Variants in ABHD2 observed in about 807,000 individuals in gnomAD.
The protein encoded by ABHD2 is abhydrolase domain containing 2, acylglycerol lipase, also known as monoacylglycerol lipase ABHD2.
In ABHD2, 20 loss-of-function variants were observed where a neutral mutation model predicts 48.1. That is an observed-to-expected ratio of 0.42 (90% CI 0.29 to 0.60). The LOEUF (loss-of-function observed/expected upper bound fraction) is 0.60, where lower values mean the gene tolerates loss of function less well. ABHD2 is among the 20% of genes least tolerant of loss of function. The pLI, the probability that ABHD2 is intolerant of heterozygous loss-of-function variation, is 0.24. For missense variants in ABHD2, 405 were observed against 550.9 expected (o/e 0.74, Z 2.65); for synonymous variants, 209 against 214.2 (o/e 0.98, Z 0.21).
rs370247405 is a variant in ABHD2, at chr15:89,175,797, C to A, written c.539-15C>A. 1 of 1,613,776 alleles carries A rather than the reference C, an allele frequency of 6.2e-7. No homozygotes were observed. Among genetic ancestry groups the A allele is most frequent in the Non-Finnish European group, 8.5e-7 (1 of 1,179,900 alleles). On this transcript the variant is annotated splice_polypyrimidine_tract_variant and intron_variant, in intron 5 of 10. Coordinates refer to ENST00000352732, the MANE Select transcript of ABHD2 (RefSeq NM_152924.5). This position sits in a 1 kb window ranked among gnomAD's most constrained non-coding sequence, Gnocchi z 5.7. Reference sequence around the variant, plus strand: ...CACCTGAAATGATTGAGCAATCTCACCCTTTTGCCCACAGGCTGCACGTGG... The same window carrying A: ...CACCTGAAATGATTGAGCAATCTCAACCTTTTGCCCACAGGCTGCACGTGG...
In ABHD2 at chr15:89,184,452, GA is replaced by G. The variant is rs1287796063; in HGVS notation, c.723-969del. ...GGGTGGAGTCAGGCCTGGAGATTTT[GA>G]AACGTGCAAGATAAAAGTTTCCCTG... On this transcript the variant is annotated intron_variant, in intron 6 of 10. Coordinates refer to ENST00000352732, the MANE Select transcript of ABHD2 (RefSeq NM_152924.5). This position sits in a 1 kb window ranked among gnomAD's most constrained non-coding sequence, Gnocchi z 5.1. Among the ~76,000 whole-genome samples the G allele has an allele frequency of 5.9e-5, 9 of 152,338 alleles. No individual in the cohort carries two copies. In the East Asian group the frequency reaches 1.2e-3, roughly 20 times the overall value.
chr15:89,045,960 T>C, the ABHD2 span, among the ~76,000 whole-genome samples: 1 of 152,238 alleles, frequency 6.6e-6, no homozygotes, highest in Non-Finnish European at 1.5e-5. Context: ...AGAGAGGGCA[T>C]CCCTGTCTTG....
intron 1 of ABHD2, among the ~76,000 whole-genome samples, chr15:89,096,237 T>C (rs983539873): frequency 5.3e-5 from 8 of 152,228 alleles, no homozygotes; most frequent in African/African-American, 1.9e-4. Context: ...ATTACATTAA[T>C]GTAGCTCATC....
At position 89,089,786 on chromosome 15, in the gene ABHD2, G is replaced by A. The variant is rs186289972; in HGVS notation, c.-107+1223G>A. Among the ~76,000 whole-genome samples, 446 of 152,332 alleles carry A rather than the reference G, an allele frequency of 2.9e-3. 2 individuals are homozygous for A. The highest frequency in any genetic ancestry group is 8.6e-3 in the African/African-American group (357 of 41,566). ...GAGAACATAATAATCTAAAGGTCAGGAGGCAGAGAAAGAATCTTAACACAC... is the reference window on the plus strand; with the variant it reads ...GAGAACATAATAATCTAAAGGTCAGAAGGCAGAGAAAGAATCTTAACACAC... On this transcript the variant is annotated intron_variant, in intron 1 of 10. Transcript: ENST00000352732.
At chr15:89,050,395 A>C in the ABHD2 span, among the ~76,000 whole-genome samples, 14 of 152,246 alleles carry the variant, frequency 9.2e-5, no homozygotes, top group African/African-American at 3.4e-4. Context: ...CTAAGATTCC[A>C]GACCCAGAGA....
At position 89,174,609 on chromosome 15, in the gene ABHD2, A is replaced by G. The variant is rs2050981489; in HGVS notation, c.539-1203A>G. ...ATTAGGGAAGGAGCTGTTCAACTCT[A>G]TTAAGAATGCCAAAACCTCTGAGCT... On this transcript the variant is annotated intron_variant, in intron 5 of 10. Coordinates refer to ENST00000352732, the MANE Select transcript of ABHD2 (RefSeq NM_152924.5). This position sits in a 1 kb window ranked among gnomAD's most constrained non-coding sequence, Gnocchi z 4.1. 6.6e-6 allele frequency among the ~76,000 whole-genome samples: 1 copy of G among 152,212 alleles called. No individual in the cohort carries two copies. The highest frequency in any genetic ancestry group is 1.5e-5 in the Non-Finnish European group (1 of 68,038).
intron 5 of ABHD2, among the ~76,000 whole-genome samples, chr15:89,165,118 CA>C (rs1225012438): frequency 6.6e-6 from 1 of 152,198 alleles, no homozygotes; most frequent in Non-Finnish European, 1.5e-5. Flanking sequence ...CTGCAGTATG[CA>C]ATGCTTGCTT....
the ABHD2 span, among the ~76,000 whole-genome samples, chr15:89,043,409 G>C: frequency 5.3e-5 from 8 of 149,898 alleles, no homozygotes; most frequent in Non-Finnish European, 1.0e-4. Context: ...CTGGGCAACA[G>C]ATCAAGACCC....
rs1030248965 is a variant in ABHD2, at chr15:89,166,376, C to T, written c.539-9436C>T. On this transcript the variant is annotated intron_variant, in intron 5 of 10. Coordinates refer to ENST00000352732, the MANE Select transcript of ABHD2 (RefSeq NM_152924.5). The surrounding 1 kb of genome is among the most constrained non-coding windows in gnomAD (Gnocchi z 4.6). ...CCCTTATTTCTAAACTCTTGACTCT[C>T]GGGCATTAGACATCAAGCTGTGAGG... is the stretch of plus-strand genomic sequence containing the variant. 2.6e-5 allele frequency among the ~76,000 whole-genome samples: 4 copies of T among 152,144 alleles called. No individual in the cohort carries two copies. The highest frequency in any genetic ancestry group is 9.7e-5 in the African/African-American group (4 of 41,422).
chr15:89,116,215 A>C lies in ABHD2; in HGVS notation c.-6-107A>C. Reference sequence around the variant, plus strand: ...CCTGCGGAAACATCTGAATTGTGACACACCGTCACTGGCAGTATCTCTTAG... The same window carrying C: ...CCTGCGGAAACATCTGAATTGTGACCCACCGTCACTGGCAGTATCTCTTAG... On this transcript the variant is annotated intron_variant, in intron 2 of 10. Transcript: ENST00000352732. The surrounding 1 kb of genome is among the most constrained non-coding windows in gnomAD (Gnocchi z 4.6). The C allele has an allele frequency of 9.6e-7, 1 of 1,043,402 alleles. No homozygotes were observed. The highest frequency in any genetic ancestry group is 1.4e-6 in the Non-Finnish European group (1 of 710,372). 64.6% of individuals were successfully genotyped at this position (1,043,402 alleles called of 1,614,324 possible). A position where few individuals can be genotyped will look rare whatever the true frequency, so the allele number is the denominator to read the frequency against.
At chr15:89,044,124 A>G in the ABHD2 span, among the ~76,000 whole-genome samples, 327 of 152,132 alleles carry the variant, frequency 2.1e-3, 3 homozygotes, top group African/African-American at 7.6e-3. Context: ...TCATTGTTCA[A>G]TTCCCACCTA....
At chr15:89,152,906 C>G (rs572274957) in intron 4 of ABHD2, among the ~76,000 whole-genome samples, 3 of 152,218 alleles carry the variant, frequency 2.0e-5, no homozygotes, top group Non-Finnish European at 2.9e-5. Flanking sequence ...GAGAACATGT[C>G]TTTTGCATTC....
chr15:89,119,515 A>T (rs1029660783), intron 3 of ABHD2, among the ~76,000 whole-genome samples: 1 of 152,210 alleles, frequency 6.6e-6, no homozygotes, highest in African/African-American at 2.4e-5. Flanking sequence ...ACGTTATGCC[A>T]TTCAGTCTTA....
intron 3 of ABHD2, among the ~76,000 whole-genome samples, chr15:89,128,855 T>C (rs2050176297): frequency 6.6e-6 from 1 of 152,102 alleles, no homozygotes; most frequent in South Asian, 2.1e-4. Context: ...AGTTTGGGCT[T>C]GATCCTGTGA....
At position 89,174,901 on chromosome 15, in the gene ABHD2, C is replaced by T. The variant is rs2050987016; in HGVS notation, c.539-911C>T. Among the ~76,000 whole-genome samples the T allele has an allele frequency of 6.6e-6, 1 of 152,188 alleles. No individual in the cohort carries two copies. Among genetic ancestry groups the T allele is most frequent in the African/African-American group, 2.4e-5 (1 of 41,444 alleles). ...AAGGGGACACCAGCTGAGATCATCT[C>T]TCCTGGGCAAATGAGGCCCAAACAA... On this transcript the variant is annotated intron_variant, in intron 5 of 10. Coordinates refer to ENST00000352732, the MANE Select transcript of ABHD2 (RefSeq NM_152924.5). The surrounding 1 kb of genome is among the most constrained non-coding windows in gnomAD (Gnocchi z 4.1).
chr15:89,169,415 T>C (rs1305443680), intron 5 of ABHD2, among the ~76,000 whole-genome samples: 1 of 152,184 alleles, frequency 6.6e-6, no homozygotes, highest in African/African-American at 2.4e-5. Context: ...TTCATTTAGG[T>C]AACACTGATT....
intron 3 of ABHD2, among the ~76,000 whole-genome samples, chr15:89,139,203 C>G (rs1396471915): frequency 6.6e-6 from 1 of 152,104 alleles, no homozygotes; most frequent in Non-Finnish European, 1.5e-5. Flanking sequence ...AGAGTAAGAC[C>G]TTGTCTCTAA....
the ABHD2 span, among the ~76,000 whole-genome samples, chr15:89,045,327 G>A: frequency 4.6e-5 from 7 of 152,158 alleles, no homozygotes; most frequent in Non-Finnish European, 7.3e-5. Context: ...ATAGTTTGAA[G>A]TCAGGTAGTG....
intron 1 of ABHD2, among the ~76,000 whole-genome samples, chr15:89,096,480 A>G (rs11638320): frequency 0.49 from 73,787 of 152,136 alleles, 19,545 homozygotes; most frequent in African/African-American, 0.7. Context: ...TTTTCCCCTC[A>G]GAGGAAGCCA....
Sources: allele counts gnomAD v4.1 joint callset (sites outside exome capture counted in the v4.1 genomes callset), GRCh38; gene constraint gnomAD v4.1.1; non-coding constraint Gnocchi (gnomAD v3.1); transcripts MANE v1.5; gene names NCBI Gene and HGNC (gene_info 2026-07-23, HGNC 2026-07-21).